TRIO: variants seen among roughly 807,000 people sequenced by gnomAD.
TRIO encodes the protein triple functional domain protein.
TRIO carries 58 observed loss-of-function variants against 351.9 expected under a neutral mutation model. That is an observed-to-expected ratio of 0.16 (90% CI 0.13 to 0.21). The LOEUF is 0.21. TRIO is among the 10% of genes least tolerant of loss of function. TRIO has a pLI of 1.00. For missense variants in TRIO, 3,201 were observed against 4,027.8 expected, an observed-to-expected ratio of 0.79 and a Z score of 5.56; for synonymous variants, 1,758 against 1,595.7, an observed-to-expected ratio of 1.10 and a Z score of -2.42.
chr5:14,213,093 T>G (rs1346231698), intron 1 of TRIO, among the ~76,000 whole-genome samples: 1 of 152,176 alleles, frequency 6.6e-6, no homozygotes, highest in Non-Finnish European at 1.5e-5. Flanking sequence ...GTTTGTGTGC[T>G]CTTTACAAAC....
At chr5:14,388,467 T>C (rs987231561) in intron 23 of TRIO, 146 bp from the exon 24 acceptor site, 6 of 750,134 alleles carry the variant, frequency 8.0e-6, no homozygotes, top group Non-Finnish European at 1.3e-5. Context: ...GGGTGGATAC[T>C]GTTCTATTTG....
intron 37 of TRIO, among the ~76,000 whole-genome samples, chr5:14,471,051 T>C (rs1754644378): frequency 6.6e-6 from 1 of 152,242 alleles, no homozygotes; most frequent in African/African-American, 2.4e-5. Flanking sequence ...TTTCTACTTG[T>C]TTGATAACAA....
At chr5:14,167,155 G>A (rs1346299019) in intron 1 of TRIO, among the ~76,000 whole-genome samples, 1 of 151,058 alleles carries the variant, frequency 6.6e-6, no homozygotes, top group Non-Finnish European at 1.5e-5. Flanking sequence ...TTAAGATCTA[G>A]TTGCCTCTGG....
chr5:14,343,574 G>A (rs148401367), intron 11 of TRIO, among the ~76,000 whole-genome samples: 2 of 151,978 alleles, frequency 1.3e-5, no homozygotes, highest in Admixed American at 6.6e-5. Flanking sequence ...CCACTTTGTC[G>A]CATGTGTCTG....
Position 14,374,280 on chromosome 5 carries a change from A to C in TRIO, c.3268A>C (p.Arg1090=). The change falls in exon 19 of 57, where the codon AGG becomes CGG. Residue 1090 remains arginine (R), a synonymous_variant. Transcript: ENST00000344204. ...NADVFLKYLH[R]NSVNMPGMVT... is the part of the protein sequence containing the mutation. The stretch of plus-strand genomic sequence containing the variant: ...AGACGTCTTCCTGAAATACCTGCAC[A>C]GGAACAGCGTGAACATGCCAGGAAT... 1.9e-6 allele frequency: 3 copies of C among 1,613,814 alleles called. No homozygotes were observed. Among genetic ancestry groups the C allele is most frequent in the Non-Finnish European group, 2.5e-6 (3 of 1,179,774 alleles).
rs1440726041 is a variant in TRIO, at chr5:14,485,191, A to C, written c.6780A>C (p.Gln2260His). Reference sequence around the variant, plus strand: ...ATTCATCTAGTCCAAGTGTCCGGCAAACTTGGATCCATGAAATCAACCAAA... The same window carrying C: ...ATTCATCTAGTCCAAGTGTCCGGCACACTTGGATCCATGAAATCAACCAAA... ...ILHSSSPSVR[Q>H]TWIHEINQIL... Residue 2260 changes from glutamine to histidine, a missense_variant, in exon 47 of 57, where the codon CAA (glutamine) becomes CAC (histidine). Transcript: ENST00000344204. 1 of 1,586,590 alleles carries C rather than the reference A, an allele frequency of 6.3e-7. No homozygotes were observed. The highest frequency in any genetic ancestry group is 8.6e-7 in the Non-Finnish European group (1 of 1,158,600).
chr5:14,434,939 G>A (rs1751462572), intron 34 of TRIO, among the ~76,000 whole-genome samples: 1 of 152,156 alleles, frequency 6.6e-6, no homozygotes, highest in South Asian at 2.1e-4. Context: ...AGTAAATAAA[G>A]CAGTGTTTTC....
rs1387253775 is a variant in TRIO, at chr5:14,509,080, C to A, written c.*658C>A. The A allele has an allele frequency of 5.4e-6, 1 of 186,842 alleles. No individual in the cohort carries two copies. The highest frequency in any genetic ancestry group is 2.4e-5 in the African/African-American group (1 of 41,388). 11.6% of individuals were successfully genotyped at this position (186,842 alleles called of 1,614,324 possible). A position where few individuals can be genotyped will look rare whatever the true frequency, so the allele number is the denominator to read the frequency against. The stretch of plus-strand genomic sequence containing the variant: ...CCTCCCCTACCCACCCCCCACCCAC[C>A]ACCTGGGGCTTCCTCTGGGGGTCCG... On this transcript the variant is annotated 3_prime_UTR_variant, in exon 57 of 57. Coordinates refer to ENST00000344204, the MANE Select transcript of TRIO (RefSeq NM_007118.4).
intron 34 of TRIO, chr5:14,440,994 C>G (rs1262421074): frequency 1.3e-5 from 2 of 148,652 alleles, no homozygotes; most frequent in Non-Finnish European, 3.0e-5. Flanking sequence ...TTGTGAAACC[C>G]AACTGCAGCG....
At chr5:14,439,693 C>T (rs934022480) in intron 34 of TRIO, among the ~76,000 whole-genome samples, 9 of 152,182 alleles carry the variant, frequency 5.9e-5, no homozygotes, top group African/African-American at 1.7e-4. Flanking sequence ...CTCTGCCTCT[C>T]GCTGGGTCCT....
At chr5:14,235,902 A>G (rs559036112) in intron 1 of TRIO, among the ~76,000 whole-genome samples, 56 of 151,980 alleles carry the variant, frequency 3.7e-4, no homozygotes, top group African/African-American at 1.2e-3. Context: ...GCCTCAAGCA[A>G]TCTCCTTCCA....
chr5:14,376,466 A>G (rs988851019), intron 19 of TRIO, among the ~76,000 whole-genome samples: 3 of 152,234 alleles, frequency 2.0e-5, no homozygotes, highest in African/African-American at 7.2e-5. Flanking sequence ...ATACAAACAT[A>G]TATTTCACTC....
chr5:14,390,760 A>C, intron 26 of TRIO, 141 bp from the exon 27 acceptor site: 2 of 680,024 alleles, frequency 2.9e-6, no homozygotes, highest in Non-Finnish European at 4.8e-6. Flanking sequence ...TTCTTATTTC[A>C]GTAGCTTTCT....
chr5:14,452,186 C>T (rs1263523179), intron 34 of TRIO, among the ~76,000 whole-genome samples: 1 of 152,210 alleles, frequency 6.6e-6, no homozygotes, highest in African/African-American at 2.4e-5. Context: ...CAAGGAGGCC[C>T]GGCCTTCACA....
intron 1 of TRIO, among the ~76,000 whole-genome samples, chr5:14,159,600 T>C (rs1788317293): frequency 6.6e-6 from 1 of 151,850 alleles, no homozygotes; most frequent in Admixed American, 6.6e-5. Context: ...GATGGAGTCT[T>C]GCTCTGTTGC....
intron 7 of TRIO, among the ~76,000 whole-genome samples, chr5:14,304,018 G>C (rs532000162): frequency 2.0e-5 from 3 of 152,216 alleles, no homozygotes; most frequent in Non-Finnish European, 2.9e-5. Context: ...TAAGGCTGAC[G>C]TGTAGCTGCA....
At chr5:14,362,442 T>C (rs866931064) in intron 13 of TRIO, among the ~76,000 whole-genome samples, 1 of 152,214 alleles carries the variant, frequency 6.6e-6, no homozygotes, top group Admixed American at 6.5e-5. Flanking sequence ...AGGTTGGCTC[T>C]TGTGTTTAAT....
At chr5:14,455,012 C>T (rs976575106) in intron 34 of TRIO, among the ~76,000 whole-genome samples, 8 of 149,142 alleles carry the variant, frequency 5.4e-5, no homozygotes, top group African/African-American at 1.5e-4. Context: ...CAGAGTTGTT[C>T]ATTCGTCCCG....
At chr5:14,426,440 A>G (rs563194278) in intron 34 of TRIO, among the ~76,000 whole-genome samples, 1 of 152,364 alleles carries the variant, frequency 6.6e-6, no homozygotes, top group African/African-American at 2.4e-5. Flanking sequence ...TGGTCTAGTT[A>G]GCAAGTATTT....
Sources: gnomAD v4.1 joint callset for allele counts (sites outside exome capture counted in the v4.1 genomes callset) on GRCh38, gnomAD v4.1.1 for gene constraint, MANE v1.5 for transcripts, NCBI Gene and HGNC (gene_info 2026-07-23, HGNC 2026-07-21) for gene names.